PTGER3: variants seen among roughly 807,000 people sequenced by gnomAD.
The protein encoded by PTGER3 is prostaglandin E2 receptor EP3 subtype.
Under a neutral mutation model 34.7 loss-of-function variants are expected in PTGER3, and 22 were observed. The observed-to-expected ratio is 0.63, with a 90% confidence interval of 0.45 to 0.91. The LOEUF (loss-of-function observed/expected upper bound fraction) is 0.91. PTGER3 is among the 40% of genes least tolerant of loss of function. The pLI is 0.00. For synonymous variants in PTGER3, 241 were observed against 230.1 expected (o/e 1.05, Z -0.43); for missense variants, 468 against 519.4 (o/e 0.90, Z 0.96).
intron 3 of PTGER3, among the ~76,000 whole-genome samples, chr1:70,972,470 A>C (rs896676918): frequency 2.6e-5 from 4 of 152,166 alleles, no homozygotes; most frequent in Non-Finnish European, 5.9e-5. Context: ...GTCTACATGT[A>C]TCTTTAAAGA....
At chr1:70,946,041 G>A (rs185423900) in intron 4 of PTGER3, among the ~76,000 whole-genome samples, 10 of 152,122 alleles carry the variant, frequency 6.6e-5, no homozygotes, top group African/African-American at 1.4e-4. Flanking sequence ...CCATCGAAAC[G>A]GTAGCCAATA....
At chr1:70,918,338 C>A (rs1485070754) in intron 4 of PTGER3, among the ~76,000 whole-genome samples, 1 of 151,756 alleles carries the variant, frequency 6.6e-6, no homozygotes, top group African/African-American at 2.4e-5. Context: ...TTGGGCAGGG[C>A]AATAATTTTT....
chr1:71,022,393 C>T (rs1402663353), intron 1 of PTGER3, among the ~76,000 whole-genome samples: 1 of 151,766 alleles, frequency 6.6e-6, no homozygotes, highest in Non-Finnish European at 1.5e-5. Context: ...ATTAAGTGGC[C>T]TCAGTGATGG....
intron 2 of PTGER3, among the ~76,000 whole-genome samples, chr1:70,954,497 C>A (rs1351875615): frequency 6.6e-6 from 1 of 152,110 alleles, no homozygotes; most frequent in East Asian, 1.9e-4. Flanking sequence ...ACATAGTCTC[C>A]TCATATTAAT....
intron 2 of PTGER3, among the ~76,000 whole-genome samples, chr1:70,960,324 A>T (rs1318817883): frequency 3.3e-5 from 5 of 151,470 alleles, no homozygotes; most frequent in Non-Finnish European, 2.9e-5. Flanking sequence ...CTGATTAGTG[A>T]CTCCCTTATT....
At chr1:71,010,984 A>G in intron 2 of PTGER3, 3 of 985,810 alleles carry the variant, frequency 3.0e-6, no homozygotes, top group Non-Finnish European at 3.6e-6. Context: ...GCAAATGAAA[A>G]TCTTCACAAT....
At chr1:70,984,246 G>A (rs1415165241) in intron 2 of PTGER3, among the ~76,000 whole-genome samples, 1 of 151,764 alleles carries the variant, frequency 6.6e-6, no homozygotes, top group Non-Finnish European at 1.5e-5. Context: ...AATTACCCAA[G>A]TGTGGTGGCA....
intron 4 of PTGER3, among the ~76,000 whole-genome samples, chr1:70,911,119 A>G (rs1325966263): frequency 1.3e-5 from 2 of 151,554 alleles, no homozygotes; most frequent in African/African-American, 4.8e-5. Context: ...AACAAATACC[A>G]CACATACACA....
At chr1:71,013,454 G>A (rs947981296) in intron 1 of PTGER3, among the ~76,000 whole-genome samples, 1 of 152,102 alleles carries the variant, frequency 6.6e-6, no homozygotes, top group African/African-American at 2.4e-5. Context: ...TGTAATCCCG[G>A]CACTTTGGGA....
chr1:70,928,115 T>C (rs1222892009), intron 4 of PTGER3, among the ~76,000 whole-genome samples: 1 of 135,960 alleles, frequency 7.4e-6, no homozygotes, highest in South Asian at 2.3e-4. Flanking sequence ...AAGAAATCCA[T>C]TCATCATATA....
chr1:71,039,293 G>A (rs1462220535), intron 1 of PTGER3, among the ~76,000 whole-genome samples: 1 of 152,090 alleles, frequency 6.6e-6, no homozygotes, highest in Non-Finnish European at 1.5e-5. Flanking sequence ...AGCTGTAAAA[G>A]GGAACAGATT....
At chr1:70,990,605 C>T (rs1655384845) in intron 2 of PTGER3, among the ~76,000 whole-genome samples, 1 of 151,778 alleles carries the variant, frequency 6.6e-6, no homozygotes. Context: ...CACAGCCTCC[C>T]AAGTACCTGG....
intron 1 of PTGER3, among the ~76,000 whole-genome samples, chr1:71,038,461 A>G (rs1488699667): frequency 6.6e-6 from 1 of 152,130 alleles, no homozygotes; most frequent in Non-Finnish European, 1.5e-5. Context: ...ATTAGTAGGC[A>G]TTTTCTTTTT....
intron 4 of PTGER3, among the ~76,000 whole-genome samples, chr1:70,905,699 T>A (rs1249846520): frequency 6.6e-5 from 10 of 152,216 alleles, no homozygotes; most frequent in Admixed American, 6.5e-4. Context: ...AGCAACTAAC[T>A]TGCTTTTGAT....
chr1:70,917,548 T>A (rs1013559936), intron 4 of PTGER3, among the ~76,000 whole-genome samples: 1 of 151,842 alleles, frequency 6.6e-6, no homozygotes, highest in African/African-American at 2.4e-5. Context: ...ACATACTGAT[T>A]TCACTTTCTT....
rs181638015 is a variant in PTGER3 at position 70,871,234 on chromosome 1, T to C, written c.*24-18375A>G. Among the ~76,000 whole-genome samples, 6 of 152,122 alleles carry C rather than the reference T, an allele frequency of 3.9e-5. No individual in the cohort carries two copies. The East Asian group carries it at 1.2e-3, about 29-fold the overall frequency. ...ATGAAGTGGGAGAAGGCACTTCACA[T>C]AACAAAAGCAAGAGCAAGAGAGACA... On this transcript the variant is annotated intron_variant, in intron 4 of 4. Transcript: ENST00000370931.
chr1:70,980,744 T>C (rs1208998172), intron 2 of PTGER3, among the ~76,000 whole-genome samples: 1 of 152,162 alleles, frequency 6.6e-6, no homozygotes, highest in African/African-American at 2.4e-5. Context: ...ATTTCAGCCA[T>C]AACAAACAGG....
intron 1 of PTGER3, among the ~76,000 whole-genome samples, chr1:71,037,413 G>A (rs1049784583): frequency 2.0e-5 from 3 of 152,174 alleles, no homozygotes. Flanking sequence ...CAACGTAACT[G>A]CTCAACCTTT....
At chr1:70,961,204 A>G (rs577182634) in intron 2 of PTGER3, among the ~76,000 whole-genome samples, 1 of 152,330 alleles carries the variant, frequency 6.6e-6, no homozygotes, top group South Asian at 2.1e-4. Context: ...CTCAACCTCC[A>G]GGGAAGAGCC....
Sources: gnomAD v4.1 joint callset for allele counts (sites outside exome capture counted in the v4.1 genomes callset) on GRCh38, gnomAD v4.1.1 for gene constraint, MANE v1.5 for transcripts, NCBI Gene and HGNC (gene_info 2026-07-23, HGNC 2026-07-21) for gene names.